The following ZIM2 variants were observed in gnomAD, a reference collection of about 807,000 sequenced individuals.
ZIM2 encodes the protein zinc finger imprinted 2.
Under a neutral mutation model 38.6 loss-of-function variants are expected in ZIM2, and 14 were observed. The observed-to-expected ratio is 0.36, with a 90% CI of 0.24 to 0.57. The LOEUF is 0.57. ZIM2 is among the 20% of genes least tolerant of loss of function. The pLI is 0.81. For synonymous variants in ZIM2, 247 were observed against 245.8 expected (o/e 1.00, Z -0.04); for missense variants, 680 against 695.1 (o/e 0.98, Z 0.24).
At chr19:56,826,515 G>A (rs1274740411) in intron 2 of ZIM2, 52 bp from the exon 3 acceptor site, 1 of 152,228 alleles carries the variant, frequency 6.6e-6, no homozygotes, top group East Asian at 1.9e-4. Flanking sequence ...TGAAAGACAT[G>A]TAGAAGGAGT....
At chr19:56,829,343 C>CAA (rs35948458) in intron 2 of ZIM2, among the ~76,000 whole-genome samples, 23,619 of 86,268 alleles carry the variant, frequency 0.27, 2,570 homozygotes, top group Non-Finnish European at 0.35. Flanking sequence ...GACTCCATCT[C>CAA]AAAAAAAAAA....
intron 9 of ZIM2, chr19:56,815,182 G>C (rs1267559604): frequency 6.2e-7 from 1 of 1,613,902 alleles, no homozygotes; most frequent in East Asian, 2.2e-5. Flanking sequence ...TTGAATGACA[G>C]GGTCTTCAAT....
intron 10 of ZIM2, among the ~76,000 whole-genome samples, chr19:56,782,966 TCTA>T (rs1217171911): frequency 2.0e-5 from 3 of 152,022 alleles, no homozygotes; most frequent in African/African-American, 7.3e-5. Context: ...ATTCATTCTT[TCTA>T]CTTTTTTTTT....
At chr19:56,824,770 T>A in intron 3 of ZIM2, 1 of 1,023,904 alleles carries the variant, frequency 9.8e-7, no homozygotes, top group Non-Finnish European at 1.4e-6. Context: ...TATACACATG[T>A]CCCAGAAGTT....
chr19:56,839,004 C>T lies in ZIM2; in HGVS notation c.-314+1578G>A, dbSNP rs551152363. On this transcript the variant is annotated intron_variant, in intron 1 of 12. Transcript: ENST00000629319. ...CCGCCGCATCTGCCGCCAACCAATC[C>T]GGGCAACGCCTGCGCGGCAAACCTC... Among the ~76,000 whole-genome samples the T allele has an allele frequency of 2.0e-5, 3 of 149,828 alleles. No homozygotes were observed. The South Asian group carries it at 6.4e-4, about 32-fold the overall frequency.
At chr19:56,795,056 C>CT (rs1313476159) in intron 9 of ZIM2, among the ~76,000 whole-genome samples, 9 of 149,934 alleles carry the variant, frequency 6.0e-5, no homozygotes, top group East Asian at 1.9e-4. Context: ...TTTTTCTTTT[C>CT]TTTTTTTTCT....
intron 10 of ZIM2, among the ~76,000 whole-genome samples, chr19:56,783,799 A>ACT (rs1193416224): frequency 1.3e-5 from 2 of 152,242 alleles, no homozygotes; most frequent in African/African-American, 4.8e-5. Context: ...CTTTGTAACA[A>ACT]ACCTGCACAT....
chr19:56,830,513 T>C (rs780754195), intron 2 of ZIM2, among the ~76,000 whole-genome samples: 2 of 152,242 alleles, frequency 1.3e-5, no homozygotes, highest in Non-Finnish European at 2.9e-5. Flanking sequence ...ATTAAAGATG[T>C]TCCTCTGGAA....
chr19:56,795,671 T>G (rs2047179627), intron 9 of ZIM2, among the ~76,000 whole-genome samples: 1 of 152,014 alleles, frequency 6.6e-6, no homozygotes, highest in African/African-American at 2.4e-5. Context: ...GGCGCTCCTG[T>G]GACCTTCCTT....
At chr19:56,805,932 A>G (rs1351464968) in intron 9 of ZIM2, among the ~76,000 whole-genome samples, 3 of 152,262 alleles carry the variant, frequency 2.0e-5, no homozygotes, top group Non-Finnish European at 4.4e-5. Flanking sequence ...CACTGTGTCA[A>G]TATTAAATGT....
intron 8 of ZIM2, among the ~76,000 whole-genome samples, 179 bp from the exon 9 acceptor site, chr19:56,818,017 A>G (rs991526788): frequency 2.6e-5 from 4 of 152,180 alleles, no homozygotes; most frequent in African/African-American, 4.8e-5. Flanking sequence ...AATCCATTCT[A>G]ATCTACATGT....
intron 9 of ZIM2, chr19:56,815,490 G>A (rs2059897153): frequency 6.2e-7 from 1 of 1,614,058 alleles, no homozygotes; most frequent in East Asian, 2.2e-5. Context: ...GGTGCTCAGT[G>A]AGGTCAGAGC....
rs866861360 is a variant in ZIM2 at position 56,824,345 on chromosome 19, G to A, written c.-68C>T. Reference sequence around the variant, plus strand: ...CTCCGGCTTTTTTGCTCGCACCCAAGGCTTGAGCTTTTCAGGGATGATGGT... The same window carrying A: ...CTCCGGCTTTTTTGCTCGCACCCAAAGCTTGAGCTTTTCAGGGATGATGGT... On this transcript the variant is annotated 5_prime_UTR_variant, in exon 4 of 13. Coordinates refer to ENST00000629319, the MANE Select transcript of ZIM2 (RefSeq NM_001387356.1). 1 of 1,614,098 alleles carries A rather than the reference G, an allele frequency of 6.2e-7. No homozygotes were observed. The highest frequency in any genetic ancestry group is 8.5e-7 in the Non-Finnish European group (1 of 1,180,028).
At chr19:56,779,307 G>C (rs2034803799) in intron 12 of ZIM2, 70 bp downstream of exon 12, 3 of 1,548,262 alleles carry the variant, frequency 1.9e-6, no homozygotes, top group Non-Finnish European at 2.7e-6. Context: ...AGGGGACTTT[G>C]AGGAAAGCTC....
At chr19:56,790,071 T>G in intron 9 of ZIM2, 120 bp from the exon 10 acceptor site, 2 of 667,940 alleles carry the variant, frequency 3.0e-6, no homozygotes, top group Non-Finnish European at 4.4e-6. Context: ...AGCTCTAGAG[T>G]TCCTATGGTG....
intron 7 of ZIM2, among the ~76,000 whole-genome samples, chr19:56,821,423 G>A (rs925629807): frequency 2.6e-5 from 4 of 152,120 alleles, no homozygotes; most frequent in East Asian, 1.9e-4. Flanking sequence ...TGACACACAT[G>A]CTGAGGGGGC....
At position 56,823,592 on chromosome 19, in the gene ZIM2, C is replaced by A; in HGVS notation, c.104G>T (p.Ser35Ile). 6.2e-7 allele frequency: 1 copy of A among 1,614,140 alleles called. No individual in the cohort carries two copies. Among genetic ancestry groups the A allele is most frequent in the Non-Finnish European group, 8.5e-7 (1 of 1,180,022 alleles). Residue 35 changes from serine to isoleucine, a missense_variant and splice_region_variant, in exon 5 of 13, where the codon AGT becomes ATT. By Grantham distance (142) the Ser-to-Ile change is moderately radical. Coordinates refer to ENST00000629319, the MANE Select transcript of ZIM2 (RefSeq NM_001387356.1). ...GACCAGTGGGGATGGGTACTCACCA[C>A]TGAAAGAATGGACTGAGTGAGGTGG... ...SSPPHSVHSF[S>I]GDRDWDRRGR...
chr19:56,822,984 T>G, intron 5 of ZIM2, 148 bp from the exon 6 acceptor site: 1 of 1,063,926 alleles, frequency 9.4e-7, no homozygotes, highest in Non-Finnish European at 1.3e-6. Context: ...GTTCCCAGGC[T>G]CATCTGGCCC....
chr19:56,800,840 A>G lies in ZIM2; in HGVS notation c.491-10889T>C, dbSNP rs1036607514. Among the ~76,000 whole-genome samples the G allele has an allele frequency of 5.3e-5, 8 of 152,178 alleles. No individual in the cohort carries two copies. The East Asian group carries it at 1.5e-3, about 29-fold the overall frequency. On this transcript the variant is annotated intron_variant, in intron 9 of 12. Transcript: ENST00000629319. ...AAAATTTATAAAAGGAATTTTGTAT[A>G]TGATTAAGTTGGCTATAATTAATAA...
Sources: allele counts gnomAD v4.1 joint callset (sites outside exome capture counted in the v4.1 genomes callset), GRCh38; gene constraint gnomAD v4.1.1; transcripts MANE v1.5; gene names NCBI Gene and HGNC (gene_info 2026-07-23, HGNC 2026-07-21).